XIRP2: variants seen among roughly 807,000 people sequenced by gnomAD.
The protein encoded by XIRP2 is xin actin binding repeat containing 2.
XIRP2 carries 236 observed loss-of-function variants against 277.0 expected under a neutral mutation model. The observed-to-expected ratio is 0.85, with a 90% CI of 0.77 to 0.95. XIRP2 has a LOEUF of 0.95. Among genes scored for constraint, XIRP2 ranks in the 40% least tolerant of loss-of-function variants. XIRP2 has a pLI of 0.00. For synonymous variants in XIRP2, 1,490 were observed against 1,416.5 expected, an observed-to-expected ratio of 1.05 and a Z score of -1.17; for missense variants, 4,640 against 4,157.5, an observed-to-expected ratio of 1.12 and a Z score of -3.19.
At chr2:166,910,458 A>T (rs1244966136) in intron 2 of XIRP2, among the ~76,000 whole-genome samples, 1 of 151,616 alleles carries the variant, frequency 6.6e-6, no homozygotes, top group Non-Finnish European at 1.5e-5. Flanking sequence ...CGGTGGTGAT[A>T]TTCCCTTTAT....
At position 167,239,751 on chromosome 2, in the gene XIRP2, GA is replaced by G. The variant is rs1483739768; in HGVS notation, c.859-102del. 4.2e-6 allele frequency: 4 copies of G among 958,912 alleles called. No individual in the cohort carries two copies. In the African/African-American group the frequency reaches 7.4e-5, roughly 18 times the overall value. 59.4% of individuals were successfully genotyped at this position (958,912 alleles called of 1,614,324 possible). ...CAGCCAAGAAAACTAATATACTAAA[GA>G]ATCTCATTTTTTTTCAGAAATTGTC... On this transcript the variant is annotated intron_variant, in intron 5 of 10. Transcript: ENST00000409195.
At chr2:167,205,384 C>G (rs1293393335) in intron 3 of XIRP2, among the ~76,000 whole-genome samples, 1 of 151,950 alleles carries the variant, frequency 6.6e-6, no homozygotes, top group Non-Finnish European at 1.5e-5. Flanking sequence ...TTATATAATT[C>G]AAAATCATTT....
intron 4 of XIRP2, among the ~76,000 whole-genome samples, chr2:167,214,160 A>AGC (rs1694158076): frequency 1.1e-5 from 1 of 93,750 alleles, no homozygotes; most frequent in African/African-American, 5.6e-5. Context: ...GAAAGAAGGA[A>AGC]AGAAAGAGAA....
At chr2:166,920,039 T>C (rs1684996469) in intron 2 of XIRP2, among the ~76,000 whole-genome samples, 1 of 152,102 alleles carries the variant, frequency 6.6e-6, no homozygotes, top group African/African-American at 2.4e-5. Flanking sequence ...AATTTTTGAG[T>C]TTACCGTTGA....
At chr2:166,940,446 C>A (rs925413659) in intron 2 of XIRP2, among the ~76,000 whole-genome samples, 3 of 152,210 alleles carry the variant, frequency 2.0e-5, no homozygotes, top group Non-Finnish European at 4.4e-5. Flanking sequence ...TCTCTCAACT[C>A]TTCAAAGTCA....
chr2:167,147,654 G>A (rs911556292), intron 3 of XIRP2, among the ~76,000 whole-genome samples: 14 of 152,292 alleles, frequency 9.2e-5, no homozygotes, highest in African/African-American at 2.9e-4. Flanking sequence ...AAGTAGAACC[G>A]TTTATAGAAC....
intron 3 of XIRP2, among the ~76,000 whole-genome samples, chr2:167,207,661 C>T (rs1018469136): frequency 2.0e-5 from 3 of 152,066 alleles, no homozygotes; most frequent in Non-Finnish European, 4.4e-5. Context: ...AGAAGAAAAG[C>T]ATATATGTTT....
chr2:167,034,846 A>G lies in XIRP2; in HGVS notation c.409-101063A>G, dbSNP rs916249759. Reference sequence around the variant, plus strand: ...TATGGTTTGGCTGTGTCCCCACCCAAATCTCAACTTGAATTGTAGTTCCTA... The same window carrying G: ...TATGGTTTGGCTGTGTCCCCACCCAGATCTCAACTTGAATTGTAGTTCCTA... On this transcript the variant is annotated intron_variant, in intron 2 of 10. Coordinates refer to ENST00000409195, the MANE Select transcript of XIRP2 (RefSeq NM_152381.6). Among the ~76,000 whole-genome samples the G allele has an allele frequency of 2.0e-5, 3 of 152,150 alleles. No homozygotes were observed. The South Asian group carries it at 6.2e-4, about 31-fold the overall frequency.
At chr2:166,978,428 G>A (rs918383881) in intron 2 of XIRP2, among the ~76,000 whole-genome samples, 3 of 152,114 alleles carry the variant, frequency 2.0e-5, no homozygotes, top group African/African-American at 7.2e-5. Context: ...GGGAGACTGA[G>A]GCTAGGGTTG....
intron 2 of XIRP2, among the ~76,000 whole-genome samples, chr2:167,117,013 C>T (rs1690914124): frequency 1.3e-5 from 2 of 152,154 alleles, no homozygotes; most frequent in Admixed American, 6.5e-5. Flanking sequence ...AATAATAGTT[C>T]TATCTGTTTC....
intron 4 of XIRP2, among the ~76,000 whole-genome samples, chr2:167,211,787 A>T (rs6757212): frequency 0.015 from 2,258 of 152,310 alleles, 58 homozygotes; most frequent in African/African-American, 0.052. Context: ...ACCAATTATG[A>T]TTATAGGAAA....
chr2:166,963,996 G>A (rs1162078864), intron 2 of XIRP2, among the ~76,000 whole-genome samples: 1 of 151,716 alleles, frequency 6.6e-6, no homozygotes, highest in African/African-American at 2.4e-5. Flanking sequence ...GGTGGTGGGA[G>A]ACAGGATATA....
At chr2:167,231,902 G>T (rs1364201968) in intron 5 of XIRP2, among the ~76,000 whole-genome samples, 1 of 151,952 alleles carries the variant, frequency 6.6e-6, no homozygotes. Context: ...TCTGGGGCCG[G>T]TGGCAGCAAC....
chr2:166,904,975 GAA>G (rs1684480396), intron 2 of XIRP2, among the ~76,000 whole-genome samples: 1 of 151,920 alleles, frequency 6.6e-6, no homozygotes, highest in African/African-American at 2.4e-5. Context: ...CATCCTTCTT[GAA>G]AATCAAGTAA....
At chr2:167,011,078 A>C (rs1427452417) in intron 2 of XIRP2, among the ~76,000 whole-genome samples, 2 of 151,074 alleles carry the variant, frequency 1.3e-5, no homozygotes, top group East Asian at 2.0e-4. Context: ...TCTCCTGCCT[A>C]ATTGCCCTGG....
chr2:167,245,582 A>G lies in XIRP2; in HGVS notation c.4190A>G (p.Asp1397Gly). The change falls in exon 9 of 11, where the codon GAT becomes GGT. Residue 1397 changes from aspartate to glycine, a missense_variant. By Grantham distance (94) the Asp-to-Gly change is moderately conservative. Transcript: ENST00000409195. ...TACAGATTTGAAACTCAGCCACTGG[A>G]TCAGATTTCTGAAGAATCACATAAT... ...VRYRFETQPL[D>G]QISEESHNIM... 1 of 1,613,692 alleles carries G rather than the reference A, an allele frequency of 6.2e-7. No homozygotes were observed. The highest frequency in any genetic ancestry group is 8.5e-7 in the Non-Finnish European group (1 of 1,179,748).
intron 2 of XIRP2, among the ~76,000 whole-genome samples, chr2:166,944,934 AG>A (rs35427879): frequency 0.33 from 50,271 of 151,952 alleles, 9,002 homozygotes; most frequent in African/African-American, 0.45. Flanking sequence ...CTGGTTCCTG[AG>A]GTATCTTCCA....
Position 167,181,401 on chromosome 2 carries a change from G to A in XIRP2, c.563-29334G>A, listed in dbSNP as rs1462182061. Among the ~76,000 whole-genome samples the A allele has an allele frequency of 3.3e-5, 5 of 152,100 alleles. No homozygotes were observed. In the South Asian group the frequency reaches 8.3e-4, roughly 25 times the overall value. On this transcript the variant is annotated intron_variant, in intron 3 of 10. Transcript: ENST00000409195. The stretch of plus-strand genomic sequence containing the variant: ...GTTGCTCACAAAGATAACCACAATT[G>A]GAAATTCTGTACGAATTTCAGCATA...
At chr2:167,100,805 A>G (rs80138159) in intron 2 of XIRP2, among the ~76,000 whole-genome samples, 2,214 of 152,254 alleles carry the variant, frequency 0.015, 58 homozygotes, top group African/African-American at 0.051. Flanking sequence ...ATCATTAGTA[A>G]TTCCCTGCTC....
Sources: gnomAD v4.1 joint callset for allele counts (sites outside exome capture counted in the v4.1 genomes callset) on GRCh38, gnomAD v4.1.1 for gene constraint, MANE v1.5 for transcripts, NCBI Gene and HGNC (gene_info 2026-07-23, HGNC 2026-07-21) for gene names.